Variants in BCAS4 observed in about 807,000 individuals in gnomAD.
The protein encoded by BCAS4 is breast carcinoma-amplified sequence 4.
In BCAS4, 9 loss-of-function variants were observed where a neutral mutation model predicts 15.7. The ratio of observed to expected loss-of-function variants is 0.57; its 90% CI spans 0.34 to 1.00. BCAS4 has a LOEUF of 1.00. Ranked by LOEUF, BCAS4 falls within the 50% of genes least tolerant of loss-of-function variation. The pLI is 0.02. For missense variants in BCAS4, 225 were observed against 239.1 expected (o/e 0.94, Z 0.39); for synonymous variants, 101 against 99.5 (o/e 1.02, Z -0.09).
intron 4 of BCAS4, among the ~76,000 whole-genome samples, chr20:50,875,602 TAAAA>T (rs3971637): frequency 2.0e-5 from 2 of 100,560 alleles, no homozygotes; most frequent in Non-Finnish European, 4.3e-5. Flanking sequence ...TCATCTCTAC[TAAAA>T]AAAAAAAAAA....
intron 4 of BCAS4, among the ~76,000 whole-genome samples, chr20:50,869,678 T>C (rs1979534724): frequency 6.6e-6 from 1 of 151,690 alleles, no homozygotes; most frequent in Admixed American, 6.6e-5. Flanking sequence ...CCTGTTCTAT[T>C]TGGGAGAACA....
At chr20:50,795,552 G>GGCAGCCCCGA (rs1569012483) in intron 1 of BCAS4, among the ~76,000 whole-genome samples, 4 of 152,032 alleles carry the variant, frequency 2.6e-5, no homozygotes, top group Non-Finnish European at 5.9e-5. Context: ...GCGGCTGTGC[G>GGCAGCCCCGA]GGCCGCGCTG....
intron 1 of BCAS4, among the ~76,000 whole-genome samples, chr20:50,802,449 G>A (rs1045356307): frequency 2.0e-5 from 3 of 152,218 alleles, no homozygotes; most frequent in African/African-American, 7.2e-5. Flanking sequence ...GGAGTGGGGG[G>A]AGCCTTCCTC....
intron 3 of BCAS4, among the ~76,000 whole-genome samples, 158 bp downstream of exon 3, chr20:50,830,538 A>G (rs79121777): frequency 0.028 from 4,250 of 152,264 alleles, 216 homozygotes; most frequent in African/African-American, 0.098. Context: ...GTGATATTTC[A>G]AAAAAATCAC....
intron 4 of BCAS4, among the ~76,000 whole-genome samples, chr20:50,844,556 C>T (rs1393113612): frequency 6.6e-6 from 1 of 152,232 alleles, no homozygotes; most frequent in African/African-American, 2.4e-5. Flanking sequence ...TCCTGCCTGT[C>T]ATTTAATACA....
chr20:50,862,203 C>A (rs1206896158), intron 4 of BCAS4, among the ~76,000 whole-genome samples: 3 of 151,994 alleles, frequency 2.0e-5, no homozygotes, highest in Non-Finnish European at 1.5e-5. Flanking sequence ...ATTTTCCCCT[C>A]CTTTCCATCT....
At chr20:50,859,811 T>G (rs1439546240) in intron 4 of BCAS4, among the ~76,000 whole-genome samples, 1 of 152,168 alleles carries the variant, frequency 6.6e-6, no homozygotes, top group African/African-American at 2.4e-5. Flanking sequence ...AATTTTCTTT[T>G]GAGAACATTG....
At chr20:50,843,572 T>C (rs1352013558) in intron 4 of BCAS4, among the ~76,000 whole-genome samples, 1 of 149,506 alleles carries the variant, frequency 6.7e-6, no homozygotes, top group East Asian at 1.9e-4. Flanking sequence ...GCCTGAGGCA[T>C]GTGCTGTTCA....
At chr20:50,823,009 G>A (rs1248899221) in intron 2 of BCAS4, among the ~76,000 whole-genome samples, 1 of 152,052 alleles carries the variant, frequency 6.6e-6, no homozygotes, top group Non-Finnish European at 1.5e-5. Context: ...GAAAACAAGT[G>A]CCCAAACCAC....
upstream of BCAS4, chr20:50,794,929 T>C: frequency 1.8e-6 from 2 of 1,110,852 alleles, no homozygotes; most frequent in Non-Finnish European, 2.2e-6. Context: ...CCGGCGCTCC[T>C]GGAGCTGCGA....
intron 4 of BCAS4, among the ~76,000 whole-genome samples, chr20:50,856,526 G>A (rs1254674762): frequency 6.6e-6 from 1 of 152,216 alleles, no homozygotes; most frequent in Non-Finnish European, 1.5e-5. Context: ...GCATCTCCAA[G>A]CACCAATTTC....
At chr20:50,843,830 T>C (rs1035750746) in intron 4 of BCAS4, among the ~76,000 whole-genome samples, 1 of 152,202 alleles carries the variant, frequency 6.6e-6, no homozygotes, top group Admixed American at 6.5e-5. Flanking sequence ...CCGAGTGACA[T>C]TTCCCACTGA....
intron 3 of BCAS4, among the ~76,000 whole-genome samples, chr20:50,837,451 G>A (rs905515402): frequency 6.6e-6 from 1 of 152,144 alleles, no homozygotes; most frequent in African/African-American, 2.4e-5. Flanking sequence ...AAATTCCTCA[G>A]TACTTGCCAA....
At chr20:50,805,109 A>G (rs2087974308) in intron 1 of BCAS4, among the ~76,000 whole-genome samples, 1 of 152,158 alleles carries the variant, frequency 6.6e-6, no homozygotes, top group South Asian at 2.1e-4. Context: ...TGTGATTTGC[A>G]TACATATAAT....
In BCAS4 at chr20:50,876,843, C is replaced by A; in HGVS notation, c.*235C>A. On this transcript the variant is annotated 3_prime_UTR_variant, in exon 5 of 5. Coordinates refer to ENST00000371608, the MANE Select transcript of BCAS4 (RefSeq NM_198799.4). ...ATGGGCAGGAGCCTCCGTGCCCAGG[C>A]TGCTGCCATTTTCAAATTTCCTCCC... The A allele has an allele frequency of 2.7e-6, 1 of 371,746 alleles. No homozygotes were observed. Among genetic ancestry groups the A allele is most frequent in the Non-Finnish European group, 4.5e-6 (1 of 223,816 alleles). The allele number at this position is 371,746 out of a possible 1,614,324, so 23.0% of individuals were successfully genotyped here.
At chr20:50,855,059 C>G (rs552551697) in intron 4 of BCAS4, among the ~76,000 whole-genome samples, 1 of 152,206 alleles carries the variant, frequency 6.6e-6, no homozygotes, top group Non-Finnish European at 1.5e-5. Context: ...GGGCTAGCCA[C>G]GCCCACCTGG....
intron 3 of BCAS4, among the ~76,000 whole-genome samples, chr20:50,839,017 G>A (rs2088443856): frequency 6.6e-6 from 1 of 152,142 alleles, no homozygotes; most frequent in South Asian, 2.1e-4. Context: ...AGGGAAGGTA[G>A]GGCTAGATGG....
At chr20:50,869,758 T>C (rs1419546410) in intron 4 of BCAS4, among the ~76,000 whole-genome samples, 2 of 144,900 alleles carry the variant, frequency 1.4e-5, no homozygotes, top group African/African-American at 5.2e-5. Flanking sequence ...TTTTTTTTTT[T>C]TTTTTTTTGA....
chr20:50,861,441 C>G (rs1979062906), intron 4 of BCAS4, among the ~76,000 whole-genome samples: 1 of 152,268 alleles, frequency 6.6e-6, no homozygotes, highest in Admixed American at 6.5e-5. Flanking sequence ...TTTGCAGGAG[C>G]TGTGAGTGAA....
Sources: allele counts gnomAD v4.1 joint callset (sites outside exome capture counted in the v4.1 genomes callset), GRCh38; gene constraint gnomAD v4.1.1; transcripts MANE v1.5; gene names NCBI Gene and HGNC (gene_info 2026-07-23, HGNC 2026-07-21).